The following PXDNL variants were observed in gnomAD, a reference collection of about 807,000 sequenced individuals.
The protein encoded by PXDNL is probable oxidoreductase PXDNL.
PXDNL carries 145 observed loss-of-function variants against 150.8 expected under a neutral mutation model. That is an observed-to-expected ratio of 0.96 (90% CI 0.84 to 1.10). The LOEUF (loss-of-function observed/expected upper bound fraction) is 1.10. PXDNL is among the 50% of genes least tolerant of loss of function. The pLI, the probability that PXDNL is intolerant of heterozygous loss-of-function variation, is 0.00. For missense variants in PXDNL, 2,087 were observed against 1,873.9 expected (o/e 1.11, Z -2.10); for synonymous variants, 757 against 725.7 (o/e 1.04, Z -0.69).
Position 51,408,662 on chromosome 8 carries a change from G to A in PXDNL, c.2962C>T (p.Leu988=). The part of the protein sequence containing the change: ...HNRMATELSA[L]NPHWEGNTVY... ...GTGTTTCCCTCCCAGTGGGGGTTCAGGGCGGACAGCTCCGTGGCCATCCTG... is the reference window on the plus strand; with the variant it reads ...GTGTTTCCCTCCCAGTGGGGGTTCAAGGCGGACAGCTCCGTGGCCATCCTG... Residue 988 remains leucine (L), a synonymous_variant, in exon 17 of 23, where the codon CTG becomes TTG. Transcript: ENST00000356297. 6.2e-7 allele frequency: 1 copy of A among 1,603,952 alleles called. No homozygotes were observed.
At chr8:51,798,681 A>G (rs879369259) in intron 1 of PXDNL, among the ~76,000 whole-genome samples, 1 of 152,248 alleles carries the variant, frequency 6.6e-6, no homozygotes, top group Non-Finnish European at 1.5e-5. Flanking sequence ...GTCAAGAAAC[A>G]ACAGATGCTG....
At chr8:51,809,089 T>G in intron 1 of PXDNL, 92 bp downstream of exon 1, 1 of 1,309,112 alleles carries the variant, frequency 7.6e-7, no homozygotes, top group Non-Finnish European at 1.1e-6. Context: ...AGGGAGAGCA[T>G]TAGGAATCGT....
chr8:51,742,321 T>C (rs1190522574), intron 1 of PXDNL, among the ~76,000 whole-genome samples: 1 of 152,166 alleles, frequency 6.6e-6, no homozygotes, highest in Non-Finnish European at 1.5e-5. Context: ...GTGGCAGTGA[T>C]CACACGCATC....
At chr8:51,608,836 CAAAA>C (rs59195880) in intron 2 of PXDNL, among the ~76,000 whole-genome samples, 12 of 59,566 alleles carry the variant, frequency 2.0e-4, no homozygotes, top group South Asian at 8.2e-4. Context: ...GACTCTGTCT[CAAAA>C]AAAAAAAAAA....
intron 5 of PXDNL, among the ~76,000 whole-genome samples, chr8:51,486,788 ATATATATTTTTTTTTTTTT>A (rs1286409521): frequency 1.9e-3 from 45 of 23,714 alleles, no homozygotes; most frequent in African/African-American, 4.5e-3. Context: ...ATATATATAT[ATATATATTTTTTTTTTTTT>A]TTTTTTTTTT....
intron 2 of PXDNL, among the ~76,000 whole-genome samples, chr8:51,608,021 GAA>G (rs749757856): frequency 0.084 from 8,821 of 104,822 alleles, 425 homozygotes; most frequent in Admixed American, 0.092. Flanking sequence ...AAGAAAGAAA[GAA>G]AGAAAGAAAG....
chr8:51,668,104 G>A (rs760473038), intron 1 of PXDNL, among the ~76,000 whole-genome samples: 64 of 150,970 alleles, frequency 4.2e-4, no homozygotes, highest in Non-Finnish European at 8.0e-4. Flanking sequence ...GACCAGCTGG[G>A]TATTTTGATG....
intron 1 of PXDNL, among the ~76,000 whole-genome samples, chr8:51,787,142 T>C (rs1037692908): frequency 4.0e-5 from 6 of 151,616 alleles, no homozygotes; most frequent in African/African-American, 9.7e-5. Flanking sequence ...TTACCACTCA[T>C]TGACAATGCA....
At position 51,597,444 on chromosome 8, in the gene PXDNL, C is replaced by G. The variant is rs1813594922; in HGVS notation, c.237-4746G>C. On this transcript the variant is annotated intron_variant, in intron 2 of 22. Transcript: ENST00000356297. ...TTTTTTCCAATTCTGTGAAAAACTA[C>G]ACTGGTACTTTGCTAGGCATAGCAT... Among the ~76,000 whole-genome samples the G allele has an allele frequency of 2.0e-5, 3 of 152,240 alleles. No homozygotes were observed. The South Asian group carries it at 6.2e-4, about 32-fold the overall frequency.
At chr8:51,524,720 T>C (rs1396139474) in intron 4 of PXDNL, among the ~76,000 whole-genome samples, 1 of 152,188 alleles carries the variant, frequency 6.6e-6, no homozygotes, top group African/African-American at 2.4e-5. Context: ...TTTGAATGTG[T>C]CAGGAAAATG....
intron 15 of PXDNL, among the ~76,000 whole-genome samples, chr8:51,412,149 C>T (rs1055200709): frequency 1.3e-5 from 2 of 152,166 alleles, no homozygotes; most frequent in Middle Eastern, 3.2e-3. Flanking sequence ...GAATGTGAAG[C>T]AAACTGTTTT....
intron 4 of PXDNL, among the ~76,000 whole-genome samples, chr8:51,545,572 C>T (rs1272851988): frequency 1.3e-5 from 2 of 152,122 alleles, no homozygotes; most frequent in Non-Finnish European, 2.9e-5. Context: ...ACAGGCCAAT[C>T]ATCCCCTCAA....
At chr8:51,690,868 G>A (rs1336658861) in intron 1 of PXDNL, among the ~76,000 whole-genome samples, 1 of 152,088 alleles carries the variant, frequency 6.6e-6, no homozygotes, top group Admixed American at 6.5e-5. Context: ...CATTCTAACT[G>A]CTGTGAGATG....
intron 17 of PXDNL, among the ~76,000 whole-genome samples, chr8:51,404,904 C>G (rs147744004): frequency 6.6e-6 from 1 of 152,138 alleles, no homozygotes; most frequent in Non-Finnish European, 1.5e-5. Flanking sequence ...TCGGGCTGCA[C>G]AGGAGCCCAC....
intron 6 of PXDNL, among the ~76,000 whole-genome samples, chr8:51,482,222 A>G (rs2130163441): frequency 6.6e-6 from 1 of 152,280 alleles, no homozygotes; most frequent in Non-Finnish European, 1.5e-5. Context: ...GAGTCAAAGG[A>G]GATCATTTTG....
intron 17 of PXDNL, among the ~76,000 whole-genome samples, chr8:51,402,475 C>G (rs1808285897): frequency 6.6e-6 from 1 of 152,018 alleles, no homozygotes; most frequent in Non-Finnish European, 1.5e-5. Flanking sequence ...GCCGAGATCG[C>G]ACCACTGCAC....
intron 20 of PXDNL, among the ~76,000 whole-genome samples, chr8:51,341,949 C>T (rs1185148774): frequency 6.6e-6 from 1 of 152,178 alleles, no homozygotes; most frequent in Non-Finnish European, 1.5e-5. Context: ...AATCCCACGC[C>T]TGGGTATACA....
intron 1 of PXDNL, among the ~76,000 whole-genome samples, chr8:51,668,193 T>TTTTTTTTTTTTTTTTA (rs1585661243): frequency 6.9e-6 from 1 of 144,554 alleles, no homozygotes; most frequent in Non-Finnish European, 1.5e-5. Context: ...TTTTTTTTTT[T>TTTTTTTTTTTTTTTTA]GAGACAGAGT....
intron 17 of PXDNL, among the ~76,000 whole-genome samples, chr8:51,401,651 G>A (rs979882605): frequency 6.6e-6 from 1 of 152,204 alleles, no homozygotes; most frequent in Non-Finnish European, 1.5e-5. Flanking sequence ...TCCTATGTCT[G>A]AGATGCCAGC....
Sources: allele counts gnomAD v4.1 joint callset (sites outside exome capture counted in the v4.1 genomes callset), GRCh38; gene constraint gnomAD v4.1.1; transcripts MANE v1.5; gene names NCBI Gene and HGNC (gene_info 2026-07-23, HGNC 2026-07-21).